The following CHID1 variants were observed in gnomAD, a reference collection of about 807,000 sequenced individuals.
The protein encoded by CHID1 is chitinase domain containing 1, also known as chitinase domain-containing protein 1.
CHID1 carries 44 observed loss-of-function variants against 55.4 expected under a neutral mutation model. The observed-to-expected ratio is 0.79, with a 90% CI of 0.62 to 1.02. The LOEUF (loss-of-function observed/expected upper bound fraction) is 1.02, where lower values mean the gene tolerates loss of function less well. CHID1 is among the 50% of genes least tolerant of loss of function. CHID1 has a pLI of 0.00. For missense variants in CHID1, 491 were observed against 515.3 expected, an observed-to-expected ratio of 0.95 and a Z score of 0.46; for synonymous variants, 216 against 212.9, an observed-to-expected ratio of 1.01 and a Z score of -0.13.
At chr11:872,631 G>A (rs1371209563) in intron 10 of CHID1, among the ~76,000 whole-genome samples, 1 of 152,230 alleles carries the variant, frequency 6.6e-6, no homozygotes, top group Non-Finnish European at 1.5e-5. Context: ...CATGGAGGCT[G>A]CCAGCATAGC....
chr11:909,394 A>G (rs1269853077), intron 1 of CHID1, among the ~76,000 whole-genome samples: 2 of 152,230 alleles, frequency 1.3e-5, no homozygotes, highest in Non-Finnish European at 2.9e-5. Flanking sequence ...TGGTCACCCA[A>G]AGGGGTCCCA....
chr11:900,063 C>T lies in CHID1; in HGVS notation c.487G>A (p.Val163Ile), dbSNP rs140948757. The change falls in exon 6 of 13, where the codon GTC (valine) becomes ATC (isoleucine). Residue 163 changes from valine (V) to isoleucine (I), a missense_variant. By Grantham distance (29) the Val-to-Ile change is conservative. Transcript: ENST00000323578. ...TCTATCTCATCCTCACTGTCTAAGA[C>T]GTTCCGGAAATCATCGTAAGTCCAG... ...EDWTYDDFRN[V>I]LDSEDEIEEL... 49 of 1,614,094 alleles carry T rather than the reference C, an allele frequency of 3.0e-5. No individual in the cohort carries two copies. The highest frequency in any genetic ancestry group is 8.9e-5 in the East Asian group (4 of 44,878).
intron 8 of CHID1, among the ~76,000 whole-genome samples, chr11:884,778 G>A (rs1413462887): frequency 2.6e-5 from 4 of 152,230 alleles, no homozygotes; most frequent in East Asian, 1.9e-4. Context: ...GCAGGTGGTC[G>A]GCTGCGGACA....
intron 8 of CHID1, among the ~76,000 whole-genome samples, chr11:892,518 A>G (rs1412358563): frequency 6.6e-6 from 1 of 152,158 alleles, no homozygotes; most frequent in Non-Finnish European, 1.5e-5. Flanking sequence ...TCCACTTTCC[A>G]GGGTCTTCCA....
rs1300184420 is a variant in CHID1 at position 902,307 on chromosome 11, G to A, written c.285C>T (p.Val95=). 2 of 1,613,576 alleles carry A rather than the reference G, an allele frequency of 1.2e-6. No homozygotes were observed. The highest frequency in any genetic ancestry group is 4.5e-5 in the East Asian group (2 of 44,864). ...VTPWNSHGYD[V]TKVFGSKFTQ... ...TGAACTTGCTCCCAAAGACCTTGGT[G>A]ACATCGTAGCCATGGCTGTTCCACT... Residue 95 remains valine (V), a synonymous_variant, in exon 4 of 13, where the codon GTC becomes GTT. Transcript: ENST00000323578.
chr11:869,988 G>A (rs372856810), intron 12 of CHID1, 32 bp from the exon 13 acceptor site: 12 of 1,607,488 alleles, frequency 7.5e-6, no homozygotes, highest in Non-Finnish European at 1.0e-5. Flanking sequence ...AGCACCTGCT[G>A]GGGCCTGTCC....
chr11:877,515 G>A (rs2134135964), intron 10 of CHID1, among the ~76,000 whole-genome samples: 1 of 152,314 alleles, frequency 6.6e-6, no homozygotes, highest in Admixed American at 6.5e-5. Context: ...CAAAGTGCTG[G>A]GATTACAGGT....
chr11:895,741 A>G (rs559720136), intron 7 of CHID1, among the ~76,000 whole-genome samples: 7 of 152,150 alleles, frequency 4.6e-5, no homozygotes, highest in Non-Finnish European at 1.0e-4. Flanking sequence ...GCCTGGCACA[A>G]TGCGGGCTGG....
At chr11:915,055 C>T (rs992989019), upstream of CHID1, 3 of 157,562 alleles carry the variant, frequency 1.9e-5, no homozygotes, top group Non-Finnish European at 4.2e-5. Context: ...GGGACACACA[C>T]CAGCACTCCC....
intron 4 of CHID1, among the ~76,000 whole-genome samples, chr11:901,745 CG>C (rs1291586310): frequency 6.6e-6 from 1 of 152,160 alleles, no homozygotes; most frequent in African/African-American, 2.4e-5. Flanking sequence ...CAGACCTGGG[CG>C]GAACACTCTG....
intron 1 of CHID1, among the ~76,000 whole-genome samples, chr11:909,246 C>T (rs1852458168): frequency 6.6e-6 from 1 of 152,200 alleles, no homozygotes; most frequent in African/African-American, 2.4e-5. Flanking sequence ...TCACATAACA[C>T]AGACTCCCAG....
rs1015891785 is a variant in CHID1, at chr11:910,587, T to G, written c.-44+188A>C. The G allele has an allele frequency of 2.8e-5, 33 of 1,189,464 alleles. No homozygotes were observed. The Middle Eastern group carries it at 1.4e-3, about 52-fold the overall frequency. 73.7% of individuals were successfully genotyped at this position (1,189,464 alleles called of 1,614,324 possible). Reference sequence around the variant, plus strand: ...CTCTCATAGCAACCCTCTCTCACCCTCGTCCTCACACCCTCTCACACGCCC... The same window carrying G: ...CTCTCATAGCAACCCTCTCTCACCCGCGTCCTCACACCCTCTCACACGCCC... On this transcript the variant is annotated intron_variant, in intron 1 of 12. Transcript: ENST00000323578.
intron 7 of CHID1, among the ~76,000 whole-genome samples, chr11:894,589 G>A (rs551521194): frequency 1.6e-4 from 25 of 152,308 alleles, no homozygotes; most frequent in African/African-American, 5.3e-4. Flanking sequence ...TCACTCTCAC[G>A]CTGCAGGCCC....
chr11:901,114 A>C lies in CHID1; in HGVS notation c.395-134T>G, dbSNP rs573064563. ...CAGGGGCGGGCAGGCAGGTGTGAGA[A>C]CCCACCCCTCCCTGGCCCAGGGCTG... is the stretch of plus-strand genomic sequence containing the variant. On this transcript the variant is annotated intron_variant, in intron 4 of 12. Transcript: ENST00000323578. 1.7e-5 allele frequency: 12 copies of C among 695,356 alleles called. No homozygotes were observed. In the African/African-American group the frequency reaches 1.9e-4, roughly 11 times the overall value. 43.1% of individuals were successfully genotyped at this position (695,356 alleles called of 1,614,324 possible).
chr11:881,277 T>C (rs562967236), intron 10 of CHID1, among the ~76,000 whole-genome samples: 47 of 151,866 alleles, frequency 3.1e-4, no homozygotes, highest in African/African-American at 1.1e-3. Context: ...GACCCCCATC[T>C]CATAAAAAAT....
chr11:898,456 C>T (rs1435815062), intron 7 of CHID1, among the ~76,000 whole-genome samples: 4 of 152,202 alleles, frequency 2.6e-5, no homozygotes, highest in Admixed American at 6.5e-5. Context: ...CGGTGGAGAC[C>T]GCACCATCCT....
intron 1 of CHID1, chr11:908,373 C>T (rs891165739): frequency 6.4e-5 from 10 of 156,306 alleles, no homozygotes; most frequent in African/African-American, 2.4e-4. Flanking sequence ...CCCCTCTCCT[C>T]AGTGATACAT....
intron 10 of CHID1, among the ~76,000 whole-genome samples, chr11:871,613 G>GGACAGTGCCCCCCACGTGCC (rs1849180485): frequency 1.3e-5 from 2 of 152,278 alleles, no homozygotes; most frequent in Non-Finnish European, 2.9e-5. Context: ...TGCTGCGTGA[G>GGACAGTGCCCCCCACGTGCC]GACAGTGCCC....
At chr11:904,648 G>C (rs946126948) in intron 2 of CHID1, 58 bp downstream of exon 2, 1 of 1,597,898 alleles carries the variant, frequency 6.3e-7, no homozygotes, top group Non-Finnish European at 8.6e-7. Flanking sequence ...AGAAAGAAGA[G>C]GATGATGGAT....
Sources: allele counts gnomAD v4.1 joint callset (sites outside exome capture counted in the v4.1 genomes callset), GRCh38; gene constraint gnomAD v4.1.1; transcripts MANE v1.5; gene names NCBI Gene and HGNC (gene_info 2026-07-23, HGNC 2026-07-21).